GRID2: variants seen among roughly 807,000 people sequenced by gnomAD.
GRID2 encodes glutamate ionotropic receptor delta type subunit 2.
GRID2 carries 33 observed loss-of-function variants against 114.8 expected under a neutral mutation model. That is an observed-to-expected ratio of 0.29 (90% confidence interval 0.22 to 0.38). The LOEUF is 0.38. Ranked by LOEUF, GRID2 falls within the 10% of genes least tolerant of loss-of-function variation. The pLI, the probability that GRID2 is intolerant of heterozygous loss-of-function variation, is 1.00. For missense variants in GRID2, 1,184 were observed against 1,257.7 expected, an observed-to-expected ratio of 0.94 and a Z score of 0.89; for synonymous variants, 505 against 449.9, an observed-to-expected ratio of 1.12 and a Z score of -1.55.
intron 2 of GRID2, among the ~76,000 whole-genome samples, chr4:92,592,738 G>C (rs1728762196): frequency 6.6e-6 from 1 of 151,904 alleles, no homozygotes; most frequent in Non-Finnish European, 1.5e-5. Flanking sequence ...ATGAGTTCCA[G>C]GAAGCTTTAA....
At chr4:93,328,986 G>T (rs1758150426) in intron 8 of GRID2, among the ~76,000 whole-genome samples, 6 of 152,054 alleles carry the variant, frequency 3.9e-5, no homozygotes, top group Admixed American at 3.9e-4. Flanking sequence ...TGCAGTTTTA[G>T]TACCTACTAT....
chr4:92,657,552 T>C (rs912718551), intron 2 of GRID2, among the ~76,000 whole-genome samples: 3 of 151,744 alleles, frequency 2.0e-5, no homozygotes, highest in Non-Finnish European at 4.4e-5. Flanking sequence ...TATTTATTTA[T>C]TTTTATTTTT....
At chr4:93,329,406 G>A (rs1381777796) in intron 8 of GRID2, among the ~76,000 whole-genome samples, 1 of 152,002 alleles carries the variant, frequency 6.6e-6, no homozygotes, top group Non-Finnish European at 1.5e-5. Flanking sequence ...ATGTCTCTAT[G>A]TTTTTGATAT....
intron 2 of GRID2, among the ~76,000 whole-genome samples, chr4:92,864,937 T>C (rs1352268476): frequency 1.3e-5 from 2 of 152,220 alleles, no homozygotes; most frequent in Non-Finnish European, 2.9e-5. Context: ...CAAAATTTAT[T>C]TGATACAGCC....
At chr4:93,689,696 A>G (rs1163230878) in intron 14 of GRID2, among the ~76,000 whole-genome samples, 1 of 152,132 alleles carries the variant, frequency 6.6e-6, no homozygotes, top group East Asian at 1.9e-4. Context: ...ACAAACATGA[A>G]GAAAACATAG....
chr4:92,483,015 A>C (rs1400094149), intron 1 of GRID2, among the ~76,000 whole-genome samples: 1 of 152,146 alleles, frequency 6.6e-6, no homozygotes, highest in Non-Finnish European at 1.5e-5. Context: ...CATCTAGACA[A>C]ACTTGTTGTT....
intron 1 of GRID2, among the ~76,000 whole-genome samples, chr4:92,411,625 A>ACG (rs1731307419): frequency 9.5e-6 from 1 of 105,712 alleles, no homozygotes; most frequent in Non-Finnish European, 1.9e-5. Context: ...ATATATATGC[A>ACG]TGTGTGTGTG....
At chr4:93,392,334 A>T (rs1764937185) in intron 8 of GRID2, among the ~76,000 whole-genome samples, 1 of 152,166 alleles carries the variant, frequency 6.6e-6, no homozygotes, top group Non-Finnish European at 1.5e-5. Context: ...CAGACATCGA[A>T]ACCAGAGGAC....
intron 2 of GRID2, among the ~76,000 whole-genome samples, chr4:92,830,121 G>T (rs1020686830): frequency 6.8e-6 from 1 of 147,546 alleles, no homozygotes; most frequent in Admixed American, 6.8e-5. Context: ...AGCAAAACTA[G>T]CACTGAGGAA....
intron 8 of GRID2, among the ~76,000 whole-genome samples, chr4:93,333,469 A>G (rs998251772): frequency 2.0e-5 from 3 of 152,188 alleles, no homozygotes; most frequent in Non-Finnish European, 4.4e-5. Context: ...CCCACCATAC[A>G]TTTTTTTAAA....
At chr4:93,491,929 A>T (rs920120142) in intron 12 of GRID2, among the ~76,000 whole-genome samples, 2 of 152,002 alleles carry the variant, frequency 1.3e-5, no homozygotes, top group African/African-American at 4.8e-5. Flanking sequence ...TATTTTATCC[A>T]TTCATAAAAT....
intron 2 of GRID2, among the ~76,000 whole-genome samples, chr4:92,841,736 A>T (rs1177153644): frequency 6.6e-6 from 1 of 152,052 alleles, no homozygotes; most frequent in East Asian, 1.9e-4. Context: ...TCATTTTGCT[A>T]CCTTATCACT....
intron 14 of GRID2, among the ~76,000 whole-genome samples, chr4:93,698,429 C>A (rs1727232180): frequency 1.3e-5 from 2 of 152,066 alleles, no homozygotes; most frequent in South Asian, 4.1e-4. Context: ...ATGTTATGTT[C>A]TTTTTATAAG....
chr4:93,077,527 A>G (rs942903246), intron 2 of GRID2, among the ~76,000 whole-genome samples: 7 of 152,324 alleles, frequency 4.6e-5, no homozygotes, highest in Middle Eastern at 6.8e-3. Context: ...TTTAATAAAT[A>G]GAATTTCTAT....
chr4:93,412,563 A>G (rs752105049), intron 9 of GRID2, among the ~76,000 whole-genome samples: 3 of 152,178 alleles, frequency 2.0e-5, no homozygotes, highest in Admixed American at 6.6e-5. Context: ...AAAAATTTAC[A>G]GCCTTTCACT....
At chr4:93,521,056 G>T (rs1282583076) in intron 13 of GRID2, among the ~76,000 whole-genome samples, 1 of 152,062 alleles carries the variant, frequency 6.6e-6, no homozygotes, top group African/African-American at 2.4e-5. Context: ...ATATTTTGAA[G>T]GTAGCACTGA....
At chr4:93,766,691 AT>A (rs1277253699) in intron 14 of GRID2, among the ~76,000 whole-genome samples, 1 of 152,118 alleles carries the variant, frequency 6.6e-6, no homozygotes, top group Non-Finnish European at 1.5e-5. Flanking sequence ...AAAAAGAATT[AT>A]TTGTTCAAAG....
chr4:92,407,583 C>T (rs1731090880), intron 1 of GRID2, among the ~76,000 whole-genome samples: 1 of 152,128 alleles, frequency 6.6e-6, no homozygotes, highest in South Asian at 2.1e-4. Context: ...TCCCCAGCCT[C>T]ACCAACATCT....
intron 1 of GRID2, among the ~76,000 whole-genome samples, chr4:92,417,516 A>G (rs1731676918): frequency 6.6e-6 from 1 of 151,996 alleles, no homozygotes; most frequent in African/African-American, 2.4e-5. Context: ...GCTCCAGTAG[A>G]GTAATTAATT....
Sources: gnomAD v4.1 joint callset for allele counts (sites outside exome capture counted in the v4.1 genomes callset) on GRCh38, gnomAD v4.1.1 for gene constraint, MANE v1.5 for transcripts, NCBI Gene and HGNC (gene_info 2026-07-23, HGNC 2026-07-21) for gene names.